JAM3: variants seen among roughly 807,000 people sequenced by gnomAD.
JAM3 encodes junctional adhesion molecule 3.
In JAM3, 31 loss-of-function variants were observed where a neutral mutation model predicts 39.4. The ratio of observed to expected loss-of-function variants is 0.79; its 90% CI spans 0.59 to 1.06. JAM3 has a LOEUF of 1.06. JAM3 is among the 50% of genes least tolerant of loss of function. The probability of loss-of-function intolerance (pLI) is 0.00; values close to 1 mark genes in which losing one functional copy is unlikely to be tolerated. For synonymous variants in JAM3, 182 were observed against 148.7 expected (o/e 1.22, Z -1.63); for missense variants, 455 against 391.4 (o/e 1.16, Z -1.37).
chr11:134,136,663 G>A lies in JAM3; in HGVS notation c.77-3188G>A, dbSNP rs575194068. 3.9e-5 allele frequency among the ~76,000 whole-genome samples: 6 copies of A among 152,288 alleles called. No individual in the cohort carries two copies. In the East Asian group the frequency reaches 1.2e-3, roughly 29 times the overall value. ...ATGACTTGTAGTGGCCCTCTGCTCT[G>A]GAGTCTTCCTGGGATATACTGCCTT... On this transcript the variant is annotated intron_variant, in intron 1 of 8. Transcript: ENST00000299106.
At chr11:134,127,899 C>T (rs1195489725) in intron 1 of JAM3, among the ~76,000 whole-genome samples, 1 of 152,148 alleles carries the variant, frequency 6.6e-6, no homozygotes, top group African/African-American at 2.4e-5. Flanking sequence ...CACCTGTGCA[C>T]TCTCTGGGCT....
At chr11:134,116,052 C>T (rs1306589278) in intron 1 of JAM3, among the ~76,000 whole-genome samples, 1 of 152,206 alleles carries the variant, frequency 6.6e-6, no homozygotes, top group Non-Finnish European at 1.5e-5. Context: ...GGTTTCTCCA[C>T]TGTAAAGTTA....
At chr11:134,131,876 G>A (rs2155088) in intron 1 of JAM3, among the ~76,000 whole-genome samples, 7,256 of 151,778 alleles carry the variant, frequency 0.048, 226 homozygotes, top group Non-Finnish European at 0.058. Flanking sequence ...AAGTTAGGAC[G>A]ATTAATTATC....
At chr11:134,131,906 A>G (rs1378891149) in intron 1 of JAM3, among the ~76,000 whole-genome samples, 1 of 152,200 alleles carries the variant, frequency 6.6e-6, no homozygotes, top group Non-Finnish European at 1.5e-5. Context: ...GAGCAAAAAG[A>G]AAAAGGAAGG....
chr11:134,090,257 C>T (rs1311162557), intron 1 of JAM3, among the ~76,000 whole-genome samples: 1 of 152,146 alleles, frequency 6.6e-6, no homozygotes, highest in Non-Finnish European at 1.5e-5. Flanking sequence ...CTGTAGGTTG[C>T]CTGTTCACTG....
intron 6 of JAM3, 64 bp from the exon 7 acceptor site, chr11:134,148,483 C>T (rs1032560374): frequency 6.2e-7 from 1 of 1,609,656 alleles, no homozygotes; most frequent in South Asian, 1.1e-5. Context: ...CACAGCAGGG[C>T]CAGGGCCTTT....
At chr11:134,087,419 T>C (rs1202802676) in intron 1 of JAM3, among the ~76,000 whole-genome samples, 1 of 152,182 alleles carries the variant, frequency 6.6e-6, no homozygotes, top group East Asian at 1.9e-4. Context: ...CTCCCACCTC[T>C]CTCTTGTGGA....
chr11:134,086,078 G>A (rs1031772717), intron 1 of JAM3, among the ~76,000 whole-genome samples: 16 of 152,142 alleles, frequency 1.1e-4, no homozygotes, highest in African/African-American at 3.9e-4. Flanking sequence ...GAGCCCTATC[G>A]TATTAATCTG....
intron 1 of JAM3, among the ~76,000 whole-genome samples, chr11:134,134,474 TAAG>T (rs150085512): frequency 0.012 from 1,338 of 114,562 alleles, 17 homozygotes; most frequent in African/African-American, 0.041. Context: ...AAATAAAACA[TAAG>T]AAGACAGAGG....
At position 134,140,647 on chromosome 11, in the gene JAM3, T is replaced by C; in HGVS notation, c.143-10T>C. On this transcript the variant is annotated splice_polypyrimidine_tract_variant and intron_variant, in intron 2 of 8. Coordinates refer to ENST00000299106, the MANE Select transcript of JAM3 (RefSeq NM_032801.5). ...TTCACCGAGAGCTCTTTTTCTTCTT[T>C]GCGTGTTAGGTGTGGAACTGTCTTG... 6.2e-7 allele frequency: 1 copy of C among 1,608,990 alleles called. No individual in the cohort carries two copies. The highest frequency in any genetic ancestry group is 1.3e-5 in the African/African-American group (1 of 74,882).
intron 5 of JAM3, 137 bp from the exon 6 acceptor site, chr11:134,145,809 G>A: frequency 1.4e-6 from 1 of 725,284 alleles, no homozygotes; most frequent in Admixed American, 1.9e-5. Context: ...GAGTGGGTCA[G>A]GGAGGAACAT....
chr11:134,132,387 G>A (rs997565924), intron 1 of JAM3, among the ~76,000 whole-genome samples: 1 of 152,162 alleles, frequency 6.6e-6, no homozygotes, highest in African/African-American at 2.4e-5. Context: ...AAAGTTGAGG[G>A]AGTTAATTAC....
At chr11:134,136,965 T>G (rs1300650207) in intron 1 of JAM3, among the ~76,000 whole-genome samples, 5 of 151,940 alleles carry the variant, frequency 3.3e-5, no homozygotes, top group Admixed American at 3.3e-4. Context: ...TACAAAAAAT[T>G]AGCCAGGCGT....
chr11:134,149,023 A>G (rs1943137992), intron 8 of JAM3, 123 bp from the exon 9 acceptor site: 2 of 1,194,988 alleles, frequency 1.7e-6, no homozygotes, highest in South Asian at 2.5e-5. Context: ...TGCAAGCGCT[A>G]GTGATGGTAC....
intron 6 of JAM3, 41 bp from the exon 7 acceptor site, chr11:134,148,502 CAGAT>C (rs769917401): frequency 2.2e-5 from 36 of 1,613,682 alleles, no homozygotes; most frequent in East Asian, 4.5e-5. Context: ...TTTTAAATAA[CAGAT>C]AGTGTGTATC....
intron 1 of JAM3, among the ~76,000 whole-genome samples, chr11:134,075,512 T>A (rs1271288235): frequency 7.9e-6 from 1 of 127,128 alleles, no homozygotes; most frequent in Non-Finnish European, 1.6e-5. Context: ...GAGCTTGGGC[T>A]TCTATGACAG....
intron 1 of JAM3, chr11:134,139,524 G>C: frequency 5.7e-6 from 2 of 348,194 alleles, no homozygotes; most frequent in South Asian, 2.5e-5. Context: ...CAGAAGGCCC[G>C]GGCAGGTCTG....
chr11:134,088,904 C>T (rs1210590552), intron 1 of JAM3, among the ~76,000 whole-genome samples: 1 of 152,220 alleles, frequency 6.6e-6, no homozygotes, highest in Admixed American at 6.5e-5. Context: ...ATTCTCCTGC[C>T]TCAGCTTCCC....
intron 1 of JAM3, among the ~76,000 whole-genome samples, chr11:134,110,064 C>G (rs1402834492): frequency 3.3e-5 from 5 of 152,104 alleles, no homozygotes; most frequent in African/African-American, 1.2e-4. Flanking sequence ...GATGCTTAAC[C>G]TAATTTGCAT....
Sources: allele counts gnomAD v4.1 joint callset (sites outside exome capture counted in the v4.1 genomes callset), GRCh38; gene constraint gnomAD v4.1.1; transcripts MANE v1.5; gene names NCBI Gene and HGNC (gene_info 2026-07-23, HGNC 2026-07-21).